RBM27: variants seen among roughly 807,000 people sequenced by gnomAD.
The protein encoded by RBM27 is RNA-binding protein 27.
RBM27 carries 22 observed loss-of-function variants against 135.3 expected under a neutral mutation model. The observed-to-expected ratio is 0.16, with a 90% confidence interval of 0.12 to 0.23. The LOEUF (loss-of-function observed/expected upper bound fraction) is 0.23. RBM27 is among the 10% of genes least tolerant of loss of function. The pLI is 1.00. For synonymous variants in RBM27, 481 were observed against 442.4 expected (o/e 1.09, Z -1.10); for missense variants, 1,009 against 1,281.0 (o/e 0.79, Z 3.24).
intron 14 of RBM27, 141 bp downstream of exon 14, chr5:146,263,772 C>T (rs2126861208): frequency 9.4e-7 from 1 of 1,064,308 alleles, no homozygotes; most frequent in Non-Finnish European, 1.3e-6. Flanking sequence ...TTCCATGTTT[C>T]AGTCAGAAAT....
intron 17 of RBM27, among the ~76,000 whole-genome samples, 182 bp downstream of exon 17, chr5:146,269,766 T>A (rs1184629891): frequency 3.4e-5 from 5 of 147,310 alleles, no homozygotes; most frequent in African/African-American, 1.3e-4. Context: ...TTTTTTTTTT[T>A]AAGAGACAAG....
intron 9 of RBM27, among the ~76,000 whole-genome samples, chr5:146,253,615 AGTT>A (rs1430274979): frequency 6.6e-6 from 1 of 152,126 alleles, no homozygotes; most frequent in African/African-American, 2.4e-5. Context: ...CAGCAGTTCT[AGTT>A]CTTATATTAG....
intron 19 of RBM27, among the ~76,000 whole-genome samples, chr5:146,272,157 A>C (rs1758893354): frequency 6.6e-6 from 1 of 152,258 alleles, no homozygotes; most frequent in Admixed American, 6.5e-5. Context: ...TCATTCATTC[A>C]GTAAATATTT....
chr5:146,242,826 G>T lies in RBM27; in HGVS notation c.1279+5394G>T, dbSNP rs191196542. Among the ~76,000 whole-genome samples the T allele has an allele frequency of 2.6e-5, 4 of 151,970 alleles. No homozygotes were observed. In the East Asian group the frequency reaches 7.8e-4, roughly 30 times the overall value. ...TTGGCCAGGCTGGTCCCAAACTCCC[G>T]ACCTCAGGTGATCCTTCCGACTCAG... On this transcript the variant is annotated intron_variant, in intron 8 of 20. Coordinates refer to ENST00000265271, the MANE Select transcript of RBM27 (RefSeq NM_018989.2).
intron 1 of RBM27, among the ~76,000 whole-genome samples, chr5:146,209,454 G>C (rs1162407773): frequency 1.3e-5 from 2 of 152,140 alleles, no homozygotes; most frequent in Non-Finnish European, 1.5e-5. Context: ...AGCTTGGAGA[G>C]TGATAGAAAA....
rs1205109626 is a variant in RBM27 at position 146,267,773 on chromosome 5, C to T, written c.2451+5C>T. ...GAAGTGCTTAAAAAAAAACAGGTAA[C>T]AGTCTTGATTCTTCTTGCCTTACAG... is the stretch of plus-strand genomic sequence containing the variant. On this transcript the variant is annotated splice_donor_5th_base_variant and intron_variant, in intron 15 of 20. Coordinates refer to ENST00000265271, the MANE Select transcript of RBM27 (RefSeq NM_018989.2). 6.3e-7 allele frequency: 1 copy of T among 1,599,656 alleles called. No homozygotes were observed. The highest frequency in any genetic ancestry group is 2.2e-5 in the East Asian group (1 of 44,594).
At chr5:146,221,344 T>C (rs1756456248) in intron 2 of RBM27, among the ~76,000 whole-genome samples, 1 of 152,232 alleles carries the variant, frequency 6.6e-6, no homozygotes, top group Admixed American at 6.5e-5. Context: ...TAGAACTTTG[T>C]GCATATGGTC....
chr5:146,257,758 A>G (rs1758173532), intron 10 of RBM27, among the ~76,000 whole-genome samples: 1 of 152,080 alleles, frequency 6.6e-6, no homozygotes, highest in African/African-American at 2.4e-5. Flanking sequence ...TAATGGTGCT[A>G]AGTTTGATTG....
At chr5:146,221,037 G>A (rs1297344427) in intron 2 of RBM27, among the ~76,000 whole-genome samples, 42 of 151,564 alleles carry the variant, frequency 2.8e-4, no homozygotes, top group Admixed American at 2.8e-3. Flanking sequence ...CTAACAGGGT[G>A]AAAACCCAGT....
intron 1 of RBM27, among the ~76,000 whole-genome samples, chr5:146,215,417 T>C (rs1321934829): frequency 1.3e-5 from 2 of 152,208 alleles, no homozygotes; most frequent in Non-Finnish European, 2.9e-5. Flanking sequence ...TCCTAACATA[T>C]AGAAACTTTA....
chr5:146,265,050 A>T (rs1758557147), intron 14 of RBM27, among the ~76,000 whole-genome samples: 1 of 152,204 alleles, frequency 6.6e-6, no homozygotes, highest in Non-Finnish European at 1.5e-5. Flanking sequence ...AGTATCTGCA[A>T]AAATTATGCA....
intron 1 of RBM27, among the ~76,000 whole-genome samples, chr5:146,207,233 C>CT (rs1304572078): frequency 6.6e-6 from 1 of 151,762 alleles, no homozygotes; most frequent in Admixed American, 6.6e-5. Context: ...CTTTTTCTTT[C>CT]TTTTTTTGAG....
At chr5:146,212,343 C>G (rs1756000562) in intron 1 of RBM27, among the ~76,000 whole-genome samples, 1 of 146,672 alleles carries the variant, frequency 6.8e-6, no homozygotes, top group African/African-American at 2.5e-5. Context: ...CGTGAGCCAC[C>G]CCGCCCGGCC....
intron 9 of RBM27, among the ~76,000 whole-genome samples, chr5:146,252,941 A>G (rs927725499): frequency 2.6e-5 from 4 of 152,196 alleles, no homozygotes; most frequent in Admixed American, 6.6e-5. Flanking sequence ...GCGGATAACT[A>G]TAATCATAGT....
chr5:146,206,033 T>TA (rs937818461), intron 1 of RBM27, among the ~76,000 whole-genome samples: 42 of 151,840 alleles, frequency 2.8e-4, no homozygotes, highest in Non-Finnish European at 4.9e-4. Flanking sequence ...AAAATAAAAA[T>TA]AAAAAAAGTG....
chr5:146,212,324 G>T (rs1289729272), intron 1 of RBM27, among the ~76,000 whole-genome samples: 1 of 150,356 alleles, frequency 6.7e-6, no homozygotes, highest in African/African-American at 2.5e-5. Flanking sequence ...AAAGTGCTGG[G>T]ATTACAGGCG....
intron 13 of RBM27, 68 bp from the exon 14 acceptor site, chr5:146,263,423 T>G: frequency 6.8e-7 from 1 of 1,480,174 alleles, no homozygotes; most frequent in Non-Finnish European, 9.2e-7. Context: ...GTAATCATCT[T>G]AAATTTGTAC....
chr5:146,234,669 T>G (rs1301186301), intron 7 of RBM27, among the ~76,000 whole-genome samples: 1 of 152,078 alleles, frequency 6.6e-6, no homozygotes, highest in African/African-American at 2.4e-5. Context: ...TTGAAAAAAT[T>G]ATGGAATGAA....
At chr5:146,267,930 AC>A (rs150815967) in intron 15 of RBM27, among the ~76,000 whole-genome samples, 162 bp downstream of exon 15, 2,923 of 152,274 alleles carry the variant, frequency 0.019, 104 homozygotes, top group African/African-American at 0.067. Context: ...AGGTGGACAT[AC>A]AGAAAAAATG....
Sources: gnomAD v4.1 joint callset for allele counts (sites outside exome capture counted in the v4.1 genomes callset) on GRCh38, gnomAD v4.1.1 for gene constraint, MANE v1.5 for transcripts, NCBI Gene and HGNC (gene_info 2026-07-23, HGNC 2026-07-21) for gene names.